The following EPB41L5 variants were observed in gnomAD, a reference collection of about 807,000 sequenced individuals.
EPB41L5 encodes the protein band 4.1-like protein 5.
A neutral mutation model predicts 106.6 loss-of-function variants in EPB41L5; 55 were observed. The ratio of observed to expected loss-of-function variants is 0.52; its 90% CI spans 0.42 to 0.65. The LOEUF (loss-of-function observed/expected upper bound fraction) is 0.65. EPB41L5 is among the 30% of genes least tolerant of loss of function. EPB41L5 has a pLI of 0.00. For missense variants in EPB41L5, 871 were observed against 882.1 expected (o/e 0.99, Z 0.16); for synonymous variants, 297 against 306.7 (o/e 0.97, Z 0.33).
chr2:120,105,790 A>C, intron 16 of EPB41L5: 1 of 985,308 alleles, frequency 1.0e-6, no homozygotes, highest in South Asian at 4.7e-5. Context: ...TCAGATGATA[A>C]TTGCTAAGTA....
intron 15 of EPB41L5, 54 bp downstream of exon 15, chr2:120,100,340 A>C (rs1684059154): frequency 2.0e-6 from 3 of 1,515,704 alleles, no homozygotes; most frequent in Non-Finnish European, 2.7e-6. Context: ...TTATGGTAAC[A>C]GTAGTAGTAT....
chr2:120,146,725 A>G (rs150823735), intron 20 of EPB41L5, among the ~76,000 whole-genome samples: 97 of 152,046 alleles, frequency 6.4e-4, no homozygotes, highest in African/African-American at 2.2e-3. Context: ...CCCTTTAATG[A>G]GTATTTTGGC....
At chr2:120,154,288 A>G (rs1486456666) in intron 20 of EPB41L5, among the ~76,000 whole-genome samples, 1 of 151,644 alleles carries the variant, frequency 6.6e-6, no homozygotes, top group Non-Finnish European at 1.5e-5. Context: ...CCTCCCGAGT[A>G]GTTGAGATCA....
chr2:120,047,893 G>A (rs2105232603), intron 3 of EPB41L5, among the ~76,000 whole-genome samples: 1 of 152,264 alleles, frequency 6.6e-6, no homozygotes, highest in South Asian at 2.1e-4. Context: ...TTTATCAAAG[G>A]CCTTTTCTGC....
chr2:120,094,043 T>C (rs1254644477), intron 14 of EPB41L5, among the ~76,000 whole-genome samples: 5 of 152,152 alleles, frequency 3.3e-5, no homozygotes, highest in Admixed American at 6.6e-5. Context: ...GTACAGCAGC[T>C]TGAGCATGGC....
At chr2:120,146,170 G>A (rs1414515144) in intron 19 of EPB41L5, 55 bp from the exon 20 acceptor site, 1 of 1,070,082 alleles carries the variant, frequency 9.3e-7, no homozygotes, top group Non-Finnish European at 1.4e-6. Context: ...TAAATTTCTT[G>A]TTACTTTAGT....
chr2:120,087,325 T>C, intron 11 of EPB41L5, 85 bp downstream of exon 11: 1 of 808,598 alleles, frequency 1.2e-6, no homozygotes, highest in Non-Finnish European at 2.0e-6. Context: ...GGAATGTACC[T>C]CATTGTTTTA....
intron 16 of EPB41L5, among the ~76,000 whole-genome samples, chr2:120,120,589 C>T (rs1214248086): frequency 2.0e-5 from 3 of 151,424 alleles, no homozygotes; most frequent in African/African-American, 7.3e-5. Flanking sequence ...TAAACAGGTG[C>T]TTTTTTTAAA....
chr2:120,074,188 C>T lies in EPB41L5; in HGVS notation c.407+10C>T, dbSNP rs780423967. 8.1e-6 allele frequency: 13 copies of T among 1,597,656 alleles called. No homozygotes were observed. The highest frequency in any genetic ancestry group is 1.1e-5 in the Non-Finnish European group (13 of 1,167,730). ...GTGAGGAGCTAACCCGGTAAGAACA[C>T]CATCTAGAATTGTGCCAGGGTTATT... On this transcript the variant is annotated intron_variant, in intron 5 of 24. Coordinates refer to ENST00000263713, the MANE Select transcript of EPB41L5 (RefSeq NM_020909.4).
At chr2:120,167,054 T>C (rs1687445187) in intron 22 of EPB41L5, among the ~76,000 whole-genome samples, 1 of 152,224 alleles carries the variant, frequency 6.6e-6, no homozygotes, top group African/African-American at 2.4e-5. Context: ...TGTTGCTCTT[T>C]ATTTGGATTA....
At chr2:120,074,413 G>A (rs1399067408) in intron 5 of EPB41L5, 11 of 375,452 alleles carry the variant, frequency 2.9e-5, no homozygotes, top group Non-Finnish European at 4.3e-5. Flanking sequence ...TGACTAGTGA[G>A]TTCTTTTTTT....
intron 9 of EPB41L5, among the ~76,000 whole-genome samples, 183 bp from the exon 10 acceptor site, chr2:120,078,310 T>C (rs527594961): frequency 2.4e-4 from 37 of 152,158 alleles, no homozygotes; most frequent in African/African-American, 8.4e-4. Context: ...AATAAAAATA[T>C]ATGCATAAAT....
intron 11 of EPB41L5, among the ~76,000 whole-genome samples, chr2:120,089,946 T>C (rs182444580): frequency 1.3e-5 from 2 of 152,244 alleles, no homozygotes. Context: ...TCTATATGAA[T>C]GTTAACTATT....
intron 14 of EPB41L5, 81 bp from the exon 15 acceptor site, chr2:120,100,163 A>G: frequency 1.0e-6 from 1 of 955,346 alleles, no homozygotes; most frequent in Non-Finnish European, 1.6e-6. Flanking sequence ...TAAATATTTT[A>G]TTAGTGTATG....
intron 10 of EPB41L5, among the ~76,000 whole-genome samples, chr2:120,084,897 C>T (rs1206030599): frequency 1.3e-5 from 2 of 152,176 alleles, no homozygotes; most frequent in Non-Finnish European, 2.9e-5. Flanking sequence ...CACTGATACC[C>T]TTTCTTCCAG....
intron 20 of EPB41L5, among the ~76,000 whole-genome samples, chr2:120,150,653 TTTTA>T (rs1686630862): frequency 6.6e-6 from 1 of 151,984 alleles, no homozygotes; most frequent in Non-Finnish European, 1.5e-5. Flanking sequence ...CCCCATTTAT[TTTTA>T]TTTCTTTTTT....
At chr2:120,105,273 C>G in intron 16 of EPB41L5, 1 of 975,214 alleles carries the variant, frequency 1.0e-6, no homozygotes. Flanking sequence ...TTTTAGTTTT[C>G]TTTTATATTT....
At chr2:120,146,385 G>C (rs758564293) in intron 20 of EPB41L5, 96 bp downstream of exon 20, 78 of 849,960 alleles carry the variant, frequency 9.2e-5, no homozygotes, top group Non-Finnish European at 1.3e-4. Flanking sequence ...CAGGATGTCT[G>C]TCTGAAAGAT....
At chr2:120,049,622 G>T (rs1680077940) in intron 3 of EPB41L5, among the ~76,000 whole-genome samples, 1 of 152,072 alleles carries the variant, frequency 6.6e-6, no homozygotes, top group Non-Finnish European at 1.5e-5. Flanking sequence ...TATCCAATTT[G>T]CCAGTCTGTG....
Sources: allele counts gnomAD v4.1 joint callset (sites outside exome capture counted in the v4.1 genomes callset), GRCh38; gene constraint gnomAD v4.1.1; transcripts MANE v1.5; gene names NCBI Gene and HGNC (gene_info 2026-07-23, HGNC 2026-07-21).